Variants in NAALADL2 observed in about 807,000 individuals in gnomAD.
NAALADL2 encodes N-acetylated alpha-linked acidic dipeptidase like 2.
NAALADL2 carries 76 observed loss-of-function variants against 87.2 expected under a neutral mutation model. That is an observed-to-expected ratio of 0.87 (90% confidence interval 0.72 to 1.05). The LOEUF is 1.05. Ranked by LOEUF, NAALADL2 falls within the 50% of genes least tolerant of loss-of-function variation. The pLI is 0.00. For missense variants in NAALADL2, 1,089 were observed against 945.8 expected, an observed-to-expected ratio of 1.15 and a Z score of -1.99; for synonymous variants, 354 against 331.0, an observed-to-expected ratio of 1.07 and a Z score of -0.75.
intron 10 of NAALADL2, among the ~76,000 whole-genome samples, chr3:175,589,692 G>C (rs1380847614): frequency 6.6e-6 from 1 of 151,162 alleles, no homozygotes; most frequent in African/African-American, 2.4e-5. Context: ...CTTTTGTTGA[G>C]CATTTTTAGA....
chr3:175,131,784 C>A (rs1476922605), intron 2 of NAALADL2, among the ~76,000 whole-genome samples: 1 of 148,270 alleles, frequency 6.7e-6, no homozygotes, highest in East Asian at 2.0e-4. Context: ...GACCCCCCCA[C>A]CTCCCTCCCG....
intron 9 of NAALADL2, among the ~76,000 whole-genome samples, chr3:175,571,715 A>G (rs1473337610): frequency 6.6e-6 from 1 of 152,208 alleles, no homozygotes. Flanking sequence ...GTAATGAATA[A>G]TGAAGATTTA....
At chr3:175,148,621 A>G (rs1284181146) in intron 2 of NAALADL2, among the ~76,000 whole-genome samples, 1 of 152,156 alleles carries the variant, frequency 6.6e-6, no homozygotes, top group African/African-American at 2.4e-5. Flanking sequence ...GTTTTTGGCT[A>G]TGATGAAAGG....
chr3:174,889,498 C>T (rs1383618165), intron 1 of NAALADL2, among the ~76,000 whole-genome samples: 2 of 152,128 alleles, frequency 1.3e-5, no homozygotes, highest in Non-Finnish European at 2.9e-5. Flanking sequence ...TTCCCTGCTT[C>T]ACTGTCTGCC....
At chr3:174,531,950 A>G (rs1721274198) in intron 1 of NAALADL2, among the ~76,000 whole-genome samples, 1 of 152,200 alleles carries the variant, frequency 6.6e-6, no homozygotes, top group African/African-American at 2.4e-5. Flanking sequence ...AGTCCTCATA[A>G]AAATTCCTAG....
chr3:175,017,780 G>T (rs1443129151), intron 1 of NAALADL2, among the ~76,000 whole-genome samples: 1 of 152,010 alleles, frequency 6.6e-6, no homozygotes, highest in Non-Finnish European at 1.5e-5. Context: ...GGGCACTGAA[G>T]CATTTTTCTA....
intron 5 of NAALADL2, among the ~76,000 whole-genome samples, chr3:175,420,854 G>C (rs1715574264): frequency 6.6e-6 from 1 of 151,918 alleles, no homozygotes; most frequent in Non-Finnish European, 1.5e-5. Context: ...AAAGACCTTT[G>C]TTAAATTATC....
intron 1 of NAALADL2, among the ~76,000 whole-genome samples, chr3:174,470,914 A>G (rs1255920311): frequency 1.3e-5 from 2 of 152,002 alleles, no homozygotes; most frequent in East Asian, 3.9e-4. Context: ...TTTTTGTTGG[A>G]CATTTTGGTT....
At position 174,784,343 on chromosome 3, in the gene NAALADL2, A is replaced by C. The variant is rs141325266; in HGVS notation, c.-9+46597A>C. ...TATTTGTCTAAAAATCTCCAATTGC[A>C]TTATGTGGCGAGTCTTTGCAGTACA... On this transcript the variant is annotated intron_variant, in intron 3 of 3. Coordinates refer to the NAALADL2 transcript ENST00000434257. 1.3e-3 allele frequency among the ~76,000 whole-genome samples: 196 copies of C among 152,256 alleles called. 1 individual carries two copies. Among genetic ancestry groups the C allele is most frequent in the African/African-American group, 4.4e-3 (183 of 41,574 alleles).
chr3:175,773,169 C>A (rs2150185050), intron 13 of NAALADL2: 1 of 152,154 alleles, frequency 6.6e-6, no homozygotes, highest in Middle Eastern at 3.4e-3. Flanking sequence ...TTATGTTTCT[C>A]AAAATCTACT....
chr3:174,471,404 A>G (rs956866436), intron 1 of NAALADL2, among the ~76,000 whole-genome samples: 6 of 152,122 alleles, frequency 3.9e-5, no homozygotes, highest in African/African-American at 1.4e-4. Context: ...GTCCAAATAT[A>G]GAATCCTCAC....
At chr3:175,410,797 G>T (rs2862015) in intron 5 of NAALADL2, among the ~76,000 whole-genome samples, 88,561 of 151,944 alleles carry the variant, frequency 0.58, 26,541 homozygotes, top group East Asian at 0.67. Flanking sequence ...TCGGCAGGTG[G>T]TTCAGATTTA....
At position 175,627,500 on chromosome 3, in the gene NAALADL2, A is replaced by T. The variant is rs73881311; in HGVS notation, c.1896+114A>T. 1.2e-3 allele frequency: 786 copies of T among 667,724 alleles called. 3 individuals carry two copies. The African/African-American group carries it at 0.013, about 11-fold the overall frequency. The allele number at this position is 667,724 out of a possible 1,614,324, so 41.4% of individuals were successfully genotyped here. A position where few individuals can be genotyped will look rare whatever the true frequency, so the allele number is the denominator to read the frequency against. On this transcript the variant is annotated intron_variant, in intron 11 of 13. Transcript: ENST00000454872. The stretch of plus-strand genomic sequence containing the variant: ...CAATCCGTATATTTTCATTTGTAGA[A>T]TATATAAGAAAGGATTTTAGTATAT...
At chr3:174,729,226 C>T (rs1732474943) in intron 2 of NAALADL2, among the ~76,000 whole-genome samples, 1 of 152,016 alleles carries the variant, frequency 6.6e-6, no homozygotes, top group Non-Finnish European at 1.5e-5. Flanking sequence ...GTGGCCATTA[C>T]TAAGAATGAT....
At chr3:175,485,048 A>G (rs1727052819) in intron 9 of NAALADL2, among the ~76,000 whole-genome samples, 1 of 152,162 alleles carries the variant, frequency 6.6e-6, no homozygotes, top group African/African-American at 2.4e-5. Context: ...GTATATCTAG[A>G]AAAAGTGATC....
At chr3:175,354,752 C>T (rs543999662) in intron 5 of NAALADL2, among the ~76,000 whole-genome samples, 5 of 151,948 alleles carry the variant, frequency 3.3e-5, no homozygotes, top group African/African-American at 1.2e-4. Context: ...CTCTGGGTCT[C>T]AAGTGATCCT....
chr3:175,800,963 A>G (rs9878829), intron 13 of NAALADL2, among the ~76,000 whole-genome samples: 66,618 of 152,038 alleles, frequency 0.44, 17,957 homozygotes, highest in African/African-American at 0.76. Context: ...GTTCTGGCTT[A>G]GGGCATTAGG....
At chr3:175,197,017 G>T (rs967766877) in intron 2 of NAALADL2, among the ~76,000 whole-genome samples, 1 of 151,774 alleles carries the variant, frequency 6.6e-6, no homozygotes, top group Admixed American at 6.6e-5. Context: ...GAAACATAAG[G>T]GGTCATTTTT....
At chr3:174,547,113 GGGAC>G (rs1722831189) in intron 1 of NAALADL2, among the ~76,000 whole-genome samples, 5 of 152,022 alleles carry the variant, frequency 3.3e-5, no homozygotes, top group African/African-American at 7.2e-5. Flanking sequence ...TTTATAATGT[GGGAC>G]TCAAAAGTGT....
Sources: allele counts gnomAD v4.1 joint callset (sites outside exome capture counted in the v4.1 genomes callset), GRCh38; gene constraint gnomAD v4.1.1; transcripts MANE v1.5; gene names NCBI Gene and HGNC (gene_info 2026-07-23, HGNC 2026-07-21).